The following PRPH2 variants were observed in gnomAD, a reference collection of about 807,000 sequenced individuals.
PRPH2 encodes peripherin 2, also known as peripherin-2.
A neutral mutation model predicts 31.3 loss-of-function variants in PRPH2; 17 were observed. That is an observed-to-expected ratio of 0.54 (90% CI 0.37 to 0.81). The LOEUF (loss-of-function observed/expected upper bound fraction) is 0.81. Ranked by LOEUF, PRPH2 falls within the 40% of genes least tolerant of loss-of-function variation. The pLI is 0.00. For synonymous variants in PRPH2, 165 were observed against 184.4 expected, an observed-to-expected ratio of 0.89 and a Z score of 0.85; for missense variants, 430 against 439.7, an observed-to-expected ratio of 0.98 and a Z score of 0.20.
In PRPH2 at chr6:42,721,644, C is replaced by T. The variant is rs192744515; in HGVS notation, c.581+110G>A. 1.2e-5 allele frequency: 15 copies of T among 1,279,248 alleles called. No individual in the cohort carries two copies. In the East Asian group the frequency reaches 1.8e-4, roughly 16 times the overall value. 79.2% of individuals were successfully genotyped at this position (1,279,248 alleles called of 1,614,324 possible). On this transcript the variant is annotated intron_variant, in intron 1 of 2. Coordinates refer to ENST00000230381, the MANE Select transcript of PRPH2 (RefSeq NM_000322.5). ...CATACGCAGCAATAAGTTGTGCACC[C>T]GATGGAGAGGAAAAGGCACTGGGTG...
At chr6:42,717,521 G>T (rs182172184) in intron 1 of PRPH2, among the ~76,000 whole-genome samples, 1 of 152,096 alleles carries the variant, frequency 6.6e-6, no homozygotes, top group Non-Finnish European at 1.5e-5. Flanking sequence ...AATCCAGAAG[G>T]TAAATGCTTA....
At chr6:42,709,654 G>A (rs375335449) in intron 1 of PRPH2, among the ~76,000 whole-genome samples, 1 of 152,168 alleles carries the variant, frequency 6.6e-6, no homozygotes, top group African/African-American at 2.4e-5. Flanking sequence ...GGTCATGCCT[G>A]GAGGGTAGGA....
chr6:42,716,261 A>C (rs1257917071), intron 1 of PRPH2, among the ~76,000 whole-genome samples: 1 of 151,784 alleles, frequency 6.6e-6, no homozygotes, highest in Non-Finnish European at 1.5e-5. Flanking sequence ...GAGGGGAAAC[A>C]AAAAAAAGGA....
At position 42,709,345 on chromosome 6, in the gene PRPH2, A is replaced by AAAAC. The variant is rs1554269605; in HGVS notation, c.582-4735_582-4734insGTTT. Among the ~76,000 whole-genome samples the AAAAC allele has an allele frequency of 5.6e-5, 5 of 89,108 alleles. 1 individual carries two copies. The highest frequency in any genetic ancestry group is 1.6e-4 in the African/African-American group (5 of 30,718). 58.5% of individuals were successfully genotyped at this position (89,108 alleles called of 152,430 possible). A position where few individuals can be genotyped will look rare whatever the true frequency, so the allele number is the denominator to read the frequency against. On this transcript the variant is annotated intron_variant, in intron 1 of 2. Transcript: ENST00000230381. Reference sequence around the variant, plus strand: ...ACTCTGTCTCAAATTAAAAAAAAAAAAAAAAAAAAACTTGGGTCCAGCCCA... The same window carrying AAAAC: ...ACTCTGTCTCAAATTAAAAAAAAAAAAAACAAAAAAAAAACTTGGGTCCAGCCCA...
intron 1 of PRPH2, 96 bp from the exon 2 acceptor site, chr6:42,704,707 A>G: frequency 6.4e-7 from 1 of 1,552,980 alleles, no homozygotes; most frequent in Non-Finnish European, 8.9e-7. Flanking sequence ...TAGAATAGTC[A>G]TTCACTCGCA....
intron 1 of PRPH2, among the ~76,000 whole-genome samples, chr6:42,706,941 C>A (rs966670804): frequency 6.7e-6 from 1 of 150,162 alleles, no homozygotes; most frequent in African/African-American, 2.5e-5. Flanking sequence ...CTGTCTTGAA[C>A]CTTTCTTTTT....
chr6:42,701,978 C>T (rs887398871), intron 2 of PRPH2, among the ~76,000 whole-genome samples: 3 of 152,004 alleles, frequency 2.0e-5, no homozygotes, highest in Non-Finnish European at 4.4e-5. Context: ...CAGTGGCTCA[C>T]GCCTGTAATC....
At chr6:42,710,930 A>T (rs555818423) in intron 1 of PRPH2, among the ~76,000 whole-genome samples, 11 of 152,336 alleles carry the variant, frequency 7.2e-5, no homozygotes, top group Non-Finnish European at 1.6e-4. Context: ...GAGTTTTCTC[A>T]TCTAAGAAAT....
rs1473093874 is a variant in PRPH2, at chr6:42,704,453, A to G, written c.740T>C (p.Val247Ala). Residue 247 changes from valine to alanine, a missense_variant, in exon 2 of 3, where the codon GTG becomes GCG. Physicochemically the swap from Val to Ala is moderately conservative, Grantham distance 64. Coordinates refer to ENST00000230381, the MANE Select transcript of PRPH2 (RefSeq NM_000322.5). ...CAGCAGGGCAGCCCTGCAGCCACGC[A>G]CCCACAGGTTGAGCTCCTCCGTCTG... is the stretch of plus-strand genomic sequence containing the variant. Reference protein sequence around the residue: ...DHQTEELNLWVRGCRAALLSY... With the variant: ...DHQTEELNLWARGCRAALLSY... 2 of 1,613,282 alleles carry G rather than the reference A, an allele frequency of 1.2e-6. No individual in the cohort carries two copies. The highest frequency in any genetic ancestry group is 1.7e-5 in the Admixed American group (1 of 59,834).
chr6:42,705,585 AAAAAAAAAAAAAAAATATATATATAT>A (rs1467709715), intron 1 of PRPH2, among the ~76,000 whole-genome samples: 4,655 of 17,538 alleles, frequency 0.27, 324 homozygotes, highest in Middle Eastern at 0.35. Flanking sequence ...AAAAAAAAAA[AAAAAAAAAAAAAAAATATATATATAT>A]ATATATATAT....
intron 2 of PRPH2, among the ~76,000 whole-genome samples, chr6:42,699,723 C>CTAAAAA (rs780450874): frequency 1.3e-5 from 2 of 152,086 alleles, no homozygotes; most frequent in Non-Finnish European, 2.9e-5. Flanking sequence ...CTCATCTCTA[C>CTAAAAA]TAAAAATAAA....
rs1475016005 is a variant in PRPH2 at position 42,705,580 on chromosome 6, AAAAAAAAAAAAAAAAAAAAATATAT to A, written c.582-994_582-970del. On this transcript the variant is annotated intron_variant, in intron 1 of 2. Coordinates refer to ENST00000230381, the MANE Select transcript of PRPH2 (RefSeq NM_000322.5). ...AACAGAACAAGACTTTCTCTAAAAA[AAAAAAAAAAAAAAAAAAAAATATAT>A]ATATATATATATATATATATATATA... 5.1e-3 allele frequency among the ~76,000 whole-genome samples: 63 copies of A among 12,350 alleles called. 3 individuals carry two copies. The highest frequency in any genetic ancestry group is 0.021 in the Admixed American group (20 of 962). 8.1% of individuals were successfully genotyped at this position (12,350 alleles called of 152,430 possible).
At chr6:42,721,727 C>T (rs752700882) in intron 1 of PRPH2, 27 bp downstream of exon 1, 7 of 1,613,200 alleles carry the variant, frequency 4.3e-6, no homozygotes, top group Non-Finnish European at 5.9e-6. Flanking sequence ...ATTCATAGCT[C>T]TGACCCCAGG....
chr6:42,720,247 A>C (rs1015180816), intron 1 of PRPH2, among the ~76,000 whole-genome samples: 3 of 152,168 alleles, frequency 2.0e-5, no homozygotes, highest in Admixed American at 6.5e-5. Flanking sequence ...ATTTGAATAC[A>C]TCTGTCCAAG....
chr6:42,721,742 GA>G lies in PRPH2; in HGVS notation c.581+11del, dbSNP rs1761904550. The G allele has an allele frequency of 2.5e-6, 4 of 1,613,922 alleles. No homozygotes were observed. Among genetic ancestry groups the G allele is most frequent in the Non-Finnish European group, 3.4e-6 (4 of 1,179,976 alleles). On this transcript the variant is annotated intron_variant, in intron 1 of 2. Coordinates refer to ENST00000230381, the MANE Select transcript of PRPH2 (RefSeq NM_000322.5). ...ATTCATAGCTCTGACCCCAGGACTG[GA>G]AGCCACTCACTCTTTGACTTCTTTG...
intron 1 of PRPH2, among the ~76,000 whole-genome samples, chr6:42,705,883 C>T (rs556310913): frequency 6.7e-6 from 1 of 148,446 alleles, no homozygotes; most frequent in South Asian, 2.1e-4. Flanking sequence ...CACTTGAACC[C>T]GGGAGGAAGA....
intron 1 of PRPH2, among the ~76,000 whole-genome samples, chr6:42,710,145 G>T (rs1357394540): frequency 6.6e-6 from 1 of 152,034 alleles, no homozygotes; most frequent in African/African-American, 2.4e-5. Flanking sequence ...CCTGAGTCAG[G>T]GCTGTGTCTC....
intron 1 of PRPH2, among the ~76,000 whole-genome samples, chr6:42,717,141 G>A (rs937254565): frequency 6.7e-6 from 1 of 149,966 alleles, no homozygotes; most frequent in African/African-American, 2.4e-5. Flanking sequence ...GGCCAGGAGC[G>A]GTGGCTCATG....
At chr6:42,710,122 C>T (rs1295694179) in intron 1 of PRPH2, among the ~76,000 whole-genome samples, 2 of 152,176 alleles carry the variant, frequency 1.3e-5, no homozygotes, top group African/African-American at 2.4e-5. Flanking sequence ...TGTCTCCCCT[C>T]ACACTGGGGC....
Sources: gnomAD v4.1 joint callset for allele counts (sites outside exome capture counted in the v4.1 genomes callset) on GRCh38, gnomAD v4.1.1 for gene constraint, MANE v1.5 for transcripts, NCBI Gene and HGNC (gene_info 2026-07-23, HGNC 2026-07-21) for gene names.